DGKB: variants seen among roughly 807,000 people sequenced by gnomAD.
DGKB encodes diacylglycerol kinase beta.
DGKB carries 67 observed loss-of-function variants against 114.3 expected under a neutral mutation model. That is an observed-to-expected ratio of 0.59 (90% CI 0.48 to 0.72). DGKB has a LOEUF of 0.72. Among genes scored for constraint, DGKB ranks in the 30% least tolerant of loss-of-function variants. The pLI is 0.00. For synonymous variants in DGKB, 398 were observed against 323.1 expected (o/e 1.23, Z -2.49); for missense variants, 907 against 975.2 (o/e 0.93, Z 0.93).
At chr7:14,558,970 G>C (rs1796263084) in intron 20 of DGKB, among the ~76,000 whole-genome samples, 1 of 152,164 alleles carries the variant, frequency 6.6e-6, no homozygotes, top group African/African-American at 2.4e-5. Flanking sequence ...CAGGAGAGTT[G>C]AAGCAATTGA....
At chr7:14,819,076 T>TA (rs1450741210) in intron 2 of DGKB, among the ~76,000 whole-genome samples, 1 of 152,172 alleles carries the variant, frequency 6.6e-6, no homozygotes, top group Admixed American at 6.5e-5. Flanking sequence ...GGTTTTCTCT[T>TA]AGTCTACGCC....
intron 2 of DGKB, among the ~76,000 whole-genome samples, chr7:14,810,699 C>T (rs930558964): frequency 4.0e-5 from 6 of 151,694 alleles, no homozygotes; most frequent in African/African-American, 1.4e-4. Context: ...GCCTCCATTT[C>T]CCAGGCTCAA....
chr7:14,840,575 G>A (rs1340602585), intron 2 of DGKB, among the ~76,000 whole-genome samples: 1 of 152,036 alleles, frequency 6.6e-6, no homozygotes, highest in African/African-American at 2.4e-5. Context: ...CCTATCACTT[G>A]TATCAATGCA....
At chr7:14,435,624 A>C (rs1012523034) in intron 21 of DGKB, among the ~76,000 whole-genome samples, 2 of 152,068 alleles carry the variant, frequency 1.3e-5, no homozygotes, top group African/African-American at 4.8e-5. Flanking sequence ...AAAAGCTCCC[A>C]ACATTATATT....
chr7:14,660,761 A>G (rs113205275), intron 13 of DGKB, among the ~76,000 whole-genome samples: 1 of 152,004 alleles, frequency 6.6e-6, no homozygotes, highest in African/African-American at 2.4e-5. Context: ...TCCTGAGCCA[A>G]AAGAACAAAG....
chr7:14,247,543 A>C (rs146581420), intron 23 of DGKB, among the ~76,000 whole-genome samples: 1 of 152,194 alleles, frequency 6.6e-6, no homozygotes, highest in African/African-American at 2.4e-5. Context: ...TAGCCATTCT[A>C]AAAGGTGTGA....
intron 15 of DGKB, among the ~76,000 whole-genome samples, chr7:14,617,768 C>G (rs1037841692): frequency 1.5e-4 from 23 of 151,766 alleles, no homozygotes; most frequent in African/African-American, 5.3e-4. Flanking sequence ...TAGGCATATA[C>G]TTACCTTAGG....
intron 21 of DGKB, among the ~76,000 whole-genome samples, chr7:14,357,801 A>G (rs1814875979): frequency 6.6e-6 from 1 of 152,160 alleles, no homozygotes; most frequent in South Asian, 2.1e-4. Flanking sequence ...GGTGGTGGCA[A>G]AATCTCTCAG....
At chr7:14,173,752 C>A (rs1025799282) in intron 25 of DGKB, among the ~76,000 whole-genome samples, 15 of 152,048 alleles carry the variant, frequency 9.9e-5, no homozygotes, top group African/African-American at 2.9e-4. Context: ...GTTCAGAACC[C>A]CATGCGGCTG....
intron 23 of DGKB, among the ~76,000 whole-genome samples, chr7:14,318,508 T>C (rs936230865): frequency 1.3e-5 from 2 of 152,208 alleles, no homozygotes; most frequent in African/African-American, 2.4e-5. Context: ...AAAGAAGACA[T>C]TTATGCAGCC....
intron 17 of DGKB, among the ~76,000 whole-genome samples, chr7:14,592,164 TGA>T (rs1332621376): frequency 2.6e-5 from 4 of 151,866 alleles, no homozygotes; most frequent in African/African-American, 9.7e-5. Flanking sequence ...GAAATCAGTG[TGA>T]GAGTCATAAA....
At chr7:14,223,823 T>C (rs1790372767) in intron 23 of DGKB, among the ~76,000 whole-genome samples, 1 of 151,806 alleles carries the variant, frequency 6.6e-6, no homozygotes, top group African/African-American at 2.4e-5. Context: ...CAGCATCTCA[T>C]TGCATACTGA....
At chr7:14,857,099 C>T (rs1266711530) in intron 1 of DGKB, among the ~76,000 whole-genome samples, 1 of 152,064 alleles carries the variant, frequency 6.6e-6, no homozygotes, top group Non-Finnish European at 1.5e-5. Flanking sequence ...ACTTTAAGTT[C>T]ATCGAAAGAA....
chr7:14,682,406 G>C, intron 12 of DGKB, 147 bp downstream of exon 12: 2 of 628,406 alleles, frequency 3.2e-6, no homozygotes, highest in Non-Finnish European at 5.7e-6. Context: ...CTATCTCTTT[G>C]CAAACAAGCT....
At chr7:14,854,438 C>T (rs551679247) in intron 1 of DGKB, among the ~76,000 whole-genome samples, 2 of 152,034 alleles carry the variant, frequency 1.3e-5, no homozygotes, top group Non-Finnish European at 2.9e-5. Context: ...TTTCCATGGA[C>T]GAGGGGTGGA....
At chr7:14,793,044 A>T (rs548469415) in intron 2 of DGKB, among the ~76,000 whole-genome samples, 1 of 152,232 alleles carries the variant, frequency 6.6e-6, no homozygotes, top group East Asian at 1.9e-4. Context: ...AAATCACCAA[A>T]TGAGATTTTT....
intron 5 of DGKB, among the ~76,000 whole-genome samples, chr7:14,722,794 A>G (rs1335062245): frequency 1.3e-5 from 2 of 152,158 alleles, no homozygotes; most frequent in Non-Finnish European, 2.9e-5. Flanking sequence ...CCTGGGCGGC[A>G]GAGTGAAACT....
intron 13 of DGKB, among the ~76,000 whole-genome samples, chr7:14,656,853 G>C (rs1232329414): frequency 6.6e-6 from 1 of 150,920 alleles, no homozygotes; most frequent in African/African-American, 2.4e-5. Flanking sequence ...TATGCATTTA[G>C]GTAGAAACAA....
chr7:14,220,126 TTACTG>T (rs1332786955), intron 23 of DGKB, among the ~76,000 whole-genome samples: 9 of 151,626 alleles, frequency 5.9e-5, no homozygotes, highest in Non-Finnish European at 1.5e-5. Context: ...TACAGCATGT[TTACTG>T]TACTGAATAC....
Sources: allele counts gnomAD v4.1 joint callset (sites outside exome capture counted in the v4.1 genomes callset), GRCh38; gene constraint gnomAD v4.1.1; transcripts MANE v1.5; gene names NCBI Gene and HGNC (gene_info 2026-07-23, HGNC 2026-07-21).